The following TCN1 variants were observed in gnomAD, a reference collection of about 807,000 sequenced individuals.
TCN1 encodes transcobalamin 1.
TCN1 carries 47 observed loss-of-function variants against 46.3 expected under a neutral mutation model. The ratio of observed to expected loss-of-function variants is 1.01; its 90% CI spans 0.80 to 1.29. The LOEUF (loss-of-function observed/expected upper bound fraction) is 1.29. TCN1 is among the 50% of genes most tolerant of loss of function. The probability of loss-of-function intolerance (pLI) is 0.00; values close to 1 mark genes in which losing one functional copy is unlikely to be tolerated. For synonymous variants in TCN1, 183 were observed against 192.5 expected, an observed-to-expected ratio of 0.95 and a Z score of 0.41; for missense variants, 532 against 511.0, an observed-to-expected ratio of 1.04 and a Z score of -0.40.
intron 5 of TCN1, among the ~76,000 whole-genome samples, chr11:59,857,783 G>A (rs1852963094): frequency 6.6e-6 from 1 of 152,144 alleles, no homozygotes; most frequent in Admixed American, 6.5e-5. Flanking sequence ...CGACAGTGTA[G>A]GTGCTGAGTG....
chr11:59,861,704 T>G (rs1853017091), intron 3 of TCN1, 22 bp from the exon 4 acceptor site: 1 of 1,612,782 alleles, frequency 6.2e-7, no homozygotes, highest in Non-Finnish European at 8.5e-7. Flanking sequence ...AAGAAATACC[T>G]CCCTTAATCA....
chr11:59,856,201 G>A, intron 5 of TCN1, 143 bp from the exon 6 acceptor site: 2 of 679,474 alleles, frequency 2.9e-6, no homozygotes, highest in South Asian at 1.9e-5. Context: ...TGACTACCTA[G>A]GAAGCACCTC....
At chr11:59,863,047 T>C (rs541055682) in intron 2 of TCN1, among the ~76,000 whole-genome samples, 10 of 152,166 alleles carry the variant, frequency 6.6e-5, no homozygotes, top group Non-Finnish European at 1.5e-4. Context: ...TGTAGCCCAA[T>C]AGTATTTGTG....
chr11:59,853,726 TC>T (rs1472248762), intron 7 of TCN1, among the ~76,000 whole-genome samples: 1 of 152,226 alleles, frequency 6.6e-6, no homozygotes, highest in East Asian at 1.9e-4. Context: ...TACTGAGTTT[TC>T]CCTTAGAAAA....
chr11:59,863,287 CCTT>C (rs1853036930), intron 2 of TCN1, among the ~76,000 whole-genome samples: 1 of 150,500 alleles, frequency 6.6e-6, no homozygotes, highest in African/African-American at 2.5e-5. Context: ...ATCATACAAT[CCTT>C]ATGAAAGTGA....
intron 6 of TCN1, among the ~76,000 whole-genome samples, chr11:59,855,116 A>AT (rs199752274): frequency 0.011 from 1,705 of 149,274 alleles, 31 homozygotes; most frequent in African/African-American, 0.039. Context: ...GAGGATCCTG[A>AT]TTTTTTTTTT....
At chr11:59,864,351 G>C (rs1156288638) in intron 1 of TCN1, among the ~76,000 whole-genome samples, 1 of 152,154 alleles carries the variant, frequency 6.6e-6, no homozygotes, top group African/African-American at 2.4e-5. Flanking sequence ...GCAGACTCCT[G>C]CCTGGGAAAT....
In TCN1 at chr11:59,862,637, A is replaced by G. The variant is rs371752528; in HGVS notation, c.345T>C (p.Asp115=). The change falls in exon 3 of 9, where the codon GAT becomes GAC. Residue 115 remains aspartate, a synonymous_variant. Coordinates refer to ENST00000257264, the MANE Select transcript of TCN1 (RefSeq NM_001062.4). ...TTTCTAGCTTGTCGATCAGGTGGTA[A>G]TCATATATTAAGTTTTCCTCAGCGT... The part of the protein sequence containing the change: ...CRNAEENLIY[D]YHLIDKLENK... 8 of 1,613,582 alleles carry G rather than the reference A, an allele frequency of 5.0e-6. No individual in the cohort carries two copies. Among genetic ancestry groups the G allele is most frequent in the South Asian group, 1.1e-5 (1 of 91,068 alleles).
chr11:59,864,764 G>A (rs1262587140), intron 1 of TCN1, among the ~76,000 whole-genome samples: 2 of 152,148 alleles, frequency 1.3e-5, no homozygotes, highest in Admixed American at 6.6e-5. Flanking sequence ...GGAAATAGAG[G>A]AGAATAAAAA....
At chr11:59,865,814 A>C (rs1408513045) in intron 1 of TCN1, among the ~76,000 whole-genome samples, 1 of 152,140 alleles carries the variant, frequency 6.6e-6, no homozygotes, top group Non-Finnish European at 1.5e-5. Flanking sequence ...AGAACCACAC[A>C]ATCTCTGGGG....
At position 59,859,116 on chromosome 11, in the gene TCN1, A is replaced by G. The variant is rs1449320880; in HGVS notation, c.708T>C (p.Gly236=). The change falls in exon 5 of 9, where the codon GGT becomes GGC. Residue 236 remains glycine, a synonymous_variant. Transcript: ENST00000257264. Reference sequence around the variant, plus strand: ...CTGTGCTAAATGTGTTTCCAATGAGACCATTTTCTTTTTTCTCAGACAGAA... The same window carrying G: ...CTGTGCTAAATGTGTTTCCAATGAGGCCATTTTCTTTTTTCTCAGACAGAA... ...EKILSEKKEN[G]LIGNTFSTGE... 1.2e-6 allele frequency: 2 copies of G among 1,613,790 alleles called. No homozygotes were observed. Among genetic ancestry groups the G allele is most frequent in the Non-Finnish European group, 1.7e-6 (2 of 1,180,010 alleles).
At chr11:59,862,510 A>G (rs1483707650) in intron 3 of TCN1, 72 bp downstream of exon 3, 2 of 1,566,226 alleles carry the variant, frequency 1.3e-6, no homozygotes, top group Non-Finnish European at 1.8e-6. Context: ...AGTGGAGGGA[A>G]ACTTCATATA....
chr11:59,855,830 G>T (rs2135105548), intron 6 of TCN1, 39 bp downstream of exon 6: 3 of 1,610,426 alleles, frequency 1.9e-6, no homozygotes, highest in Non-Finnish European at 1.7e-6. Context: ...GGGTGCTATG[G>T]TGAAAAGCGA....
At chr11:59,864,134 T>C in intron 1 of TCN1, 48 bp from the exon 2 acceptor site, 1 of 1,591,480 alleles carries the variant, frequency 6.3e-7, no homozygotes, top group Non-Finnish European at 8.6e-7. Context: ...CAGAAAATAG[T>C]AAGACTTGCA....
chr11:59,862,318 CAT>C lies in TCN1; in HGVS notation c.400+262_400+263del, dbSNP rs1006204141. 7.3e-5 allele frequency among the ~76,000 whole-genome samples: 11 copies of C among 151,372 alleles called. No individual in the cohort carries two copies. In the South Asian group the frequency reaches 2.1e-3, roughly 29 times the overall value. On this transcript the variant is annotated intron_variant, in intron 3 of 8. Coordinates refer to ENST00000257264, the MANE Select transcript of TCN1 (RefSeq NM_001062.4). The stretch of plus-strand genomic sequence containing the variant: ...TAGAGAATGGTGACTTGTGTGTGTG[CAT>C]GTGTGTGTGTGTGTGTATGTGTGTG...
Position 59,855,927 on chromosome 11 carries a change from G to C in TCN1, c.879C>G (p.Ala293=), listed in dbSNP as rs143457374. Residue 293 remains alanine, a synonymous_variant, in exon 6 of 9, where the codon GCC becomes GCG. Transcript: ENST00000257264. ...TATCCAAGAAGGTCTTTCCCATCAG[G>C]GCAGGTAAGACCTGGGCTGCAGCGT... The part of the protein sequence containing the change: ...NPNAAAQVLP[A]LMGKTFLDIN... The C allele has an allele frequency of 1.9e-6, 3 of 1,613,678 alleles. No individual in the cohort carries two copies. The highest frequency in any genetic ancestry group is 2.2e-5 in the East Asian group (1 of 44,890).
At chr11:59,856,117 T>A in intron 5 of TCN1, 59 bp from the exon 6 acceptor site, 2 of 1,335,030 alleles carry the variant, frequency 1.5e-6, no homozygotes, top group Non-Finnish European at 2.1e-6. Flanking sequence ...AGAGAGAGAA[T>A]ATGAGACACT....
In TCN1 at chr11:59,852,984, G is replaced by T. The variant is rs1866683395; in HGVS notation, c.1293C>A (p.Ser431Arg). The T allele has an allele frequency of 1.2e-6, 2 of 1,613,982 alleles. No individual in the cohort carries two copies. Among genetic ancestry groups the T allele is most frequent in the South Asian group, 2.2e-5 (2 of 91,092 alleles). ...GGAAAGTTTGGGCTTATTAGTATTT[G>T]CTCCAGCGAACCTCCAAGTTTTCTC... ...RNGENLEVRW[S>R]KY The change falls in exon 9 of 9, where the codon AGC (serine) becomes AGA (arginine). Residue 431 changes from serine to arginine, a missense_variant. Coordinates refer to ENST00000257264, the MANE Select transcript of TCN1 (RefSeq NM_001062.4).
rs1852905836 is a variant in TCN1, at chr11:59,854,588, C to T, written c.1121+64G>A. On this transcript the variant is annotated intron_variant, in intron 7 of 8. Transcript: ENST00000257264. Reference sequence around the variant, plus strand: ...TATACTTTGTATTTAGGTGCAAATGCATTCTTACTGCATCTTTAGAAATGA... The same window carrying T: ...TATACTTTGTATTTAGGTGCAAATGTATTCTTACTGCATCTTTAGAAATGA... The T allele has an allele frequency of 1.9e-6, 3 of 1,540,290 alleles. No individual in the cohort carries two copies. In the Admixed American group the frequency reaches 5.0e-5, roughly 26 times the overall value.
Sources: allele counts gnomAD v4.1 joint callset (sites outside exome capture counted in the v4.1 genomes callset), GRCh38; gene constraint gnomAD v4.1.1; transcripts MANE v1.5; gene names NCBI Gene and HGNC (gene_info 2026-07-23, HGNC 2026-07-21).